The following KLF12 variants were observed in gnomAD, a reference collection of about 807,000 sequenced individuals.
KLF12 encodes KLF transcription factor 12.
Under a neutral mutation model 37.8 loss-of-function variants are expected in KLF12, and 9 were observed. The ratio of observed to expected loss-of-function variants is 0.24; its 90% CI spans 0.14 to 0.42. KLF12 has a LOEUF of 0.42. Ranked by LOEUF, KLF12 falls within the 10% of genes least tolerant of loss-of-function variation. The pLI is 1.00. For synonymous variants in KLF12, 208 were observed against 202.1 expected (o/e 1.03, Z -0.25); for missense variants, 411 against 516.0 (o/e 0.80, Z 1.97).
At chr13:74,058,353 CTTTTTT>C (rs55954411) in intron 1 of KLF12, among the ~76,000 whole-genome samples, 1 of 72,646 alleles carries the variant, frequency 1.4e-5, no homozygotes, top group Non-Finnish European at 2.6e-5. Flanking sequence ...ATAATTTTAT[CTTTTTT>C]TTTTTTTTTT....
rs77375577 is a variant in KLF12 at position 73,724,653 on chromosome 13, T to A, written c.870-9128A>T. ...CTGAAAATTTTCCTTACTCTTTGAA[T>A]ACTCTGTGAAATTAACACTGGAAAA... On this transcript the variant is annotated intron_variant, in intron 6 of 7. Transcript: ENST00000377669. 3.3e-5 allele frequency among the ~76,000 whole-genome samples: 5 copies of A among 152,326 alleles called. No individual in the cohort carries two copies. In the East Asian group the frequency reaches 9.6e-4, roughly 29 times the overall value.
chr13:74,110,156 A>T (rs1346299743), intron 1 of KLF12, among the ~76,000 whole-genome samples: 1 of 152,192 alleles, frequency 6.6e-6, no homozygotes, highest in Non-Finnish European at 1.5e-5. Flanking sequence ...TTCCAAAGAA[A>T]GCATTTCTGT....
At chr13:74,139,248 C>T in the KLF12 span, among the ~76,000 whole-genome samples, 1 of 152,160 alleles carries the variant, frequency 6.6e-6, no homozygotes, top group Non-Finnish European at 1.5e-5. Context: ...TTTCTACTTC[C>T]ATGAAGTATT....
the KLF12 span, among the ~76,000 whole-genome samples, chr13:74,215,643 G>T: frequency 1.3e-5 from 2 of 151,990 alleles, no homozygotes; most frequent in African/African-American, 4.8e-5. Context: ...TTGGGAATCT[G>T]GTCATTTTGT....
At chr13:74,153,953 TG>T in the KLF12 span, among the ~76,000 whole-genome samples, 1 of 151,940 alleles carries the variant, frequency 6.6e-6, no homozygotes, top group South Asian at 2.1e-4. Context: ...TTCGGACGGG[TG>T]TGGTGGCTTA....
At chr13:73,766,530 G>T (rs1192444237) in intron 5 of KLF12, among the ~76,000 whole-genome samples, 2 of 151,988 alleles carry the variant, frequency 1.3e-5, no homozygotes, top group Non-Finnish European at 2.9e-5. Flanking sequence ...AGCCAAAAAA[G>T]TTCTCCCCAG....
intron 2 of KLF12, among the ~76,000 whole-genome samples, chr13:73,954,906 T>G (rs1209015063): frequency 6.6e-6 from 1 of 152,182 alleles, no homozygotes; most frequent in African/African-American, 2.4e-5. Flanking sequence ...CACCCAAATA[T>G]CCCCAAGAAT....
At chr13:74,169,110 T>G in the KLF12 span, among the ~76,000 whole-genome samples, 1 of 152,228 alleles carries the variant, frequency 6.6e-6, no homozygotes, top group African/African-American at 2.4e-5. Context: ...TAAAAAAAAA[T>G]CCATGTTATT....
At chr13:74,235,783 C>T in the KLF12 span, among the ~76,000 whole-genome samples, 27 of 152,094 alleles carry the variant, frequency 1.8e-4, no homozygotes, top group African/African-American at 6.3e-4. Flanking sequence ...AATATTATTA[C>T]CCTGGCATTT....
At chr13:73,813,470 C>T (rs980485164) in intron 4 of KLF12, among the ~76,000 whole-genome samples, 183 bp from the exon 5 acceptor site, 1 of 152,176 alleles carries the variant, frequency 6.6e-6, no homozygotes, top group Non-Finnish European at 1.5e-5. Flanking sequence ...TTTTTCCCTT[C>T]ATTGGAGTTA....
chr13:73,975,463 T>C lies in KLF12; in HGVS notation c.33+19527A>G, dbSNP rs184048506. 3.2e-3 allele frequency among the ~76,000 whole-genome samples: 488 copies of C among 152,310 alleles called. 1 individual carries two copies. The highest frequency in any genetic ancestry group is 4.9e-3 in the Non-Finnish European group (333 of 68,022). On this transcript the variant is annotated intron_variant, in intron 2 of 7. Coordinates refer to ENST00000377669, the MANE Select transcript of KLF12 (RefSeq NM_007249.5). ...AACATGCTCCAAATCTACTCATTTT[T>C]TTCCATGTCTACAGCCAAGCTTAGG...
At chr13:73,791,728 C>T (rs925384087) in intron 5 of KLF12, among the ~76,000 whole-genome samples, 16 of 152,060 alleles carry the variant, frequency 1.1e-4, no homozygotes, top group African/African-American at 3.6e-4. Context: ...TATAAATTAC[C>T]CCCAAATTTC....
At chr13:74,125,537 G>A (rs1415233) in intron 1 of KLF12, among the ~76,000 whole-genome samples, 147,232 of 152,228 alleles carry the variant, frequency 0.97, 71,394 homozygotes, top group Middle Eastern at 1. Context: ...TAAAAATAAC[G>A]TTATTATTAT....
intron 3 of KLF12, among the ~76,000 whole-genome samples, chr13:73,915,830 C>T (rs756095028): frequency 6.6e-6 from 1 of 151,604 alleles, no homozygotes; most frequent in Non-Finnish European, 1.5e-5. Context: ...CGGCGCCTGG[C>T]CTTTTTCAGT....
the KLF12 span, among the ~76,000 whole-genome samples, chr13:74,277,968 C>T: frequency 3.3e-5 from 5 of 152,172 alleles, no homozygotes; most frequent in Non-Finnish European, 7.3e-5. Flanking sequence ...AGGGTTAGAG[C>T]TGATGGAGAC....
chr13:73,918,496 A>C (rs140709931), intron 3 of KLF12, among the ~76,000 whole-genome samples: 2,930 of 152,244 alleles, frequency 0.019, 46 homozygotes, highest in Non-Finnish European at 0.028. Context: ...GTACTATACA[A>C]GATATTTTTT....
chr13:74,210,986 T>C, the KLF12 span, among the ~76,000 whole-genome samples: 426 of 152,290 alleles, frequency 2.8e-3, no homozygotes, highest in African/African-American at 9.7e-3. Flanking sequence ...ATCACACCAG[T>C]TGCACAGTCC....
At chr13:73,786,820 G>A (rs1404126498) in intron 5 of KLF12, among the ~76,000 whole-genome samples, 1 of 151,896 alleles carries the variant, frequency 6.6e-6, no homozygotes, top group Non-Finnish European at 1.5e-5. Context: ...AGTGACTTGG[G>A]AGGCTGAGGT....
the KLF12 span, among the ~76,000 whole-genome samples, chr13:74,280,854 G>A: frequency 9.2e-6 from 1 of 108,224 alleles, no homozygotes; most frequent in Non-Finnish European, 1.8e-5. Flanking sequence ...CAAGGACTGT[G>A]CCATAAAAAC....
Sources: allele counts gnomAD v4.1 joint callset (sites outside exome capture counted in the v4.1 genomes callset), GRCh38; gene constraint gnomAD v4.1.1; transcripts MANE v1.5; gene names NCBI Gene and HGNC (gene_info 2026-07-23, HGNC 2026-07-21).